METTL9: variants seen among roughly 807,000 people sequenced by gnomAD.
The protein encoded by METTL9 is methyltransferase 9, His-X-His N1(pi)-histidine.
In METTL9, 10 loss-of-function variants were observed where a neutral mutation model predicts 36.0. The observed-to-expected ratio is 0.28, with a 90% confidence interval of 0.17 to 0.47. The LOEUF (loss-of-function observed/expected upper bound fraction) is 0.47, where lower values mean the gene tolerates loss of function less well. Ranked by LOEUF, METTL9 falls within the 20% of genes least tolerant of loss-of-function variation. The pLI is 0.99. For missense variants in METTL9, 246 were observed against 383.5 expected, an observed-to-expected ratio of 0.64 and a Z score of 3.00; for synonymous variants, 175 against 149.7, an observed-to-expected ratio of 1.17 and a Z score of -1.23.
intron 1 of METTL9, among the ~76,000 whole-genome samples, chr16:21,606,087 G>A (rs777656077): frequency 4.6e-5 from 7 of 151,922 alleles, no homozygotes; most frequent in South Asian, 2.1e-4. Context: ...CTGTAATCCC[G>A]GCACTATGGG....
chr16:21,631,579 T>G (rs1173256406), intron 4 of METTL9, among the ~76,000 whole-genome samples: 1 of 152,184 alleles, frequency 6.6e-6, no homozygotes, highest in African/African-American at 2.4e-5. Flanking sequence ...CATTGTGTCG[T>G]TTTTCCTTAA....
In METTL9 at chr16:21,599,738, G is replaced by A; in HGVS notation, c.5G>A (p.Arg2Lys). 1 of 1,517,436 alleles carries A rather than the reference G, an allele frequency of 6.6e-7. No homozygotes were observed. 94.0% of individuals were successfully genotyped at this position (1,517,436 alleles called of 1,614,324 possible). A position where few individuals can be genotyped will look rare whatever the true frequency, so the allele number is the denominator to read the frequency against. The change falls in exon 1 of 5, where the codon AGA (arginine) becomes AAA (lysine). Residue 2 changes from arginine (R) to lysine (K), a missense_variant. Physicochemically the swap from Arg to Lys is conservative, Grantham distance 26 (BLOSUM62 2). This residue lies in a region of METTL9 where 100 missense variants were observed against 81.4 expected (regional missense o/e 1.23). Coordinates refer to ENST00000358154, the MANE Select transcript of METTL9 (RefSeq NM_016025.5). This position sits in a 1 kb window ranked among gnomAD's most constrained non-coding sequence, Gnocchi z 4.4. ...AGCGAGCGGCCGCGGCCCCCGATGA[G>A]ACTGCTGGCGGGCTGGCTGTGCCTG... is the stretch of plus-strand genomic sequence containing the variant. M[R>K]LLAGWLCLSL...
intron 3 of METTL9, among the ~76,000 whole-genome samples, chr16:21,618,276 G>A (rs1416149730): frequency 6.6e-6 from 1 of 152,122 alleles, no homozygotes; most frequent in Non-Finnish European, 1.5e-5. Flanking sequence ...AAGCACTAGC[G>A]AGAGACAACT....
chr16:21,605,257 C>CCTTTTTTT (rs1965246523), intron 1 of METTL9, among the ~76,000 whole-genome samples: 1 of 51,204 alleles, frequency 2.0e-5, no homozygotes, highest in Non-Finnish European at 3.9e-5. Context: ...GGCTTGCCTT[C>CCTTTTTTT]TTTTTTTTTT....
intron 4 of METTL9, among the ~76,000 whole-genome samples, chr16:21,635,607 C>T (rs1321964220): frequency 6.6e-6 from 1 of 152,026 alleles, no homozygotes; most frequent in Non-Finnish European, 1.5e-5. Context: ...CTCAGGTGGC[C>T]ATTTTTCCCC....
chr16:21,617,360 G>A (rs868075240), intron 2 of METTL9, among the ~76,000 whole-genome samples: 1 of 151,278 alleles, frequency 6.6e-6, no homozygotes, highest in South Asian at 2.1e-4. Context: ...GGAGCTTGCA[G>A]TGAGCAGAGA....
intron 1 of METTL9, among the ~76,000 whole-genome samples, chr16:21,600,272 C>T (rs1347224676): frequency 6.6e-6 from 1 of 152,196 alleles, no homozygotes; most frequent in East Asian, 1.9e-4. Flanking sequence ...GCACCGAGGC[C>T]TGAGACTGAA....
At chr16:21,636,876 GTACT>G (rs1966109859) in intron 4 of METTL9, among the ~76,000 whole-genome samples, 1 of 152,140 alleles carries the variant, frequency 6.6e-6, no homozygotes, top group South Asian at 2.1e-4. Context: ...GGGTCCGATG[GTACT>G]TACCGCTTGG....
At chr16:21,638,035 A>T (rs998808363) in intron 4 of METTL9, among the ~76,000 whole-genome samples, 16 of 152,364 alleles carry the variant, frequency 1.1e-4, no homozygotes, top group Admixed American at 9.1e-4. Context: ...GTTACAGCTT[A>T]GGCTGGGTGC....
chr16:21,657,130 TC>T lies in METTL9; in HGVS notation c.*1699del, dbSNP rs1370301888. ...GTTGCCCCAAAGTGTTTTCTAACTTTCAAGTAGAGAACTTTATGCTCTAATA... is the reference window on the plus strand; with the variant it reads ...GTTGCCCCAAAGTGTTTTCTAACTTTAAGTAGAGAACTTTATGCTCTAATA... On this transcript the variant is annotated 3_prime_UTR_variant, in exon 5 of 5. Transcript: ENST00000358154. The T allele has an allele frequency of 2.6e-5, 4 of 152,102 alleles. No homozygotes were observed. The allele number at this position is 152,102 out of a possible 1,614,324, so 9.4% of individuals were successfully genotyped here. A position where few individuals can be genotyped will look rare whatever the true frequency, so the allele number is the denominator to read the frequency against.
At chr16:21,620,395 G>C (rs1965665458) in intron 3 of METTL9, among the ~76,000 whole-genome samples, 1 of 152,136 alleles carries the variant, frequency 6.6e-6, no homozygotes, top group Non-Finnish European at 1.5e-5. Context: ...TGTTATAACA[G>C]TGGCTTAAGT....
chr16:21,619,399 T>C (rs1567331535), intron 3 of METTL9, among the ~76,000 whole-genome samples: 1 of 147,420 alleles, frequency 6.8e-6, no homozygotes, highest in Non-Finnish European at 1.5e-5. Flanking sequence ...TAAGGTCATC[T>C]GGAGTTTGAA....
intron 4 of METTL9, among the ~76,000 whole-genome samples, chr16:21,647,876 C>T (rs186468155): frequency 2.2e-4 from 34 of 152,328 alleles, no homozygotes; most frequent in Non-Finnish European, 3.4e-4. Context: ...TTCTTGTCCG[C>T]ACCCTGGCCT....
At chr16:21,607,866 C>T (rs530639494) in intron 1 of METTL9, among the ~76,000 whole-genome samples, 13 of 152,156 alleles carry the variant, frequency 8.5e-5, no homozygotes, top group Admixed American at 1.3e-4. Flanking sequence ...AACTCACCTG[C>T]GGCTGGGCGC....
chr16:21,621,493 A>T (rs560423368), intron 3 of METTL9, among the ~76,000 whole-genome samples: 2 of 151,782 alleles, frequency 1.3e-5, no homozygotes, highest in South Asian at 2.1e-4. Flanking sequence ...ACCCAGCTAA[A>T]TTTTTTGTAT....
At chr16:21,627,446 C>G (rs1170068781) in intron 4 of METTL9, 40 of 923,654 alleles carry the variant, frequency 4.3e-5, no homozygotes, top group Non-Finnish European at 1.8e-5. Context: ...GGTTTACTGA[C>G]CCAGTTTTGG....
chr16:21,627,318 T>C, intron 4 of METTL9: 1 of 985,084 alleles, frequency 1.0e-6, no homozygotes, highest in Non-Finnish European at 1.2e-6. Context: ...CTAAAAGTAG[T>C]TGTAGGTGAA....
intron 4 of METTL9, chr16:21,642,536 A>G (rs974649407): frequency 1.3e-5 from 2 of 152,292 alleles, no homozygotes; most frequent in African/African-American, 4.8e-5. Context: ...GAACCTGTTT[A>G]TATAAGACTT....
rs1965457097 is a variant in METTL9, at chr16:21,612,828, A to G, written c.349A>G (p.Ile117Val). ...TAGCCTGTTTATGTCTAGAACATCT[A>G]TCAATGGGTAAGTGAATCTTGGACA... is the stretch of plus-strand genomic sequence containing the variant. ...VFSLFMSRTS[I>V]NGLLGRGSMF... The change falls in exon 2 of 5, where the codon ATC becomes GTC. Residue 117 changes from isoleucine (I) to valine (V), a missense_variant. Transcript: ENST00000358154. 3 of 1,589,598 alleles carry G rather than the reference A, an allele frequency of 1.9e-6. No individual in the cohort carries two copies. Among genetic ancestry groups the G allele is most frequent in the Non-Finnish European group, 1.7e-6 (2 of 1,171,170 alleles).
Sources: gnomAD v4.1 joint callset for allele counts (sites outside exome capture counted in the v4.1 genomes callset) on GRCh38, gnomAD v4.1.1 for gene constraint, gnomAD v4.1.1 regional missense constraint, Gnocchi (gnomAD v3.1) non-coding constraint, MANE v1.5 for transcripts, NCBI Gene and HGNC (gene_info 2026-07-23, HGNC 2026-07-21) for gene names.